The following PARD3B variants were observed in gnomAD, a reference collection of about 807,000 sequenced individuals.
PARD3B encodes partitioning defective 3 homolog B.
In PARD3B, 103 loss-of-function variants were observed where a neutral mutation model predicts 130.2. The observed-to-expected ratio is 0.79, with a 90% CI of 0.67 to 0.93. PARD3B has a LOEUF of 0.93. Ranked by LOEUF, PARD3B falls within the 40% of genes least tolerant of loss-of-function variation. The pLI is 0.00. For synonymous variants in PARD3B, 583 were observed against 553.2 expected (o/e 1.05, Z -0.76); for missense variants, 1,609 against 1,499.2 (o/e 1.07, Z -1.21).
At position 205,388,214 on chromosome 2, in the gene PARD3B, G is replaced by A. The variant is rs114333992; in HGVS notation, c.2631-12799G>A. Reference sequence around the variant, plus strand: ...TATATACACAACAATTCCTAGCACCGGTTTCTTTTGTTATTCTGTGAGAAC... The same window carrying A: ...TATATACACAACAATTCCTAGCACCAGTTTCTTTTGTTATTCTGTGAGAAC... On this transcript the variant is annotated intron_variant, in intron 18 of 22. Transcript: ENST00000406610. Among the ~76,000 whole-genome samples the A allele has an allele frequency of 5.2e-3, 795 of 152,208 alleles. 1 individual carries two copies. Among genetic ancestry groups the A allele is most frequent in the African/African-American group, 0.018 (743 of 41,518 alleles).
chr2:204,699,268 C>T (rs1216070474), intron 2 of PARD3B, among the ~76,000 whole-genome samples: 11 of 152,000 alleles, frequency 7.2e-5, no homozygotes, highest in Admixed American at 6.6e-4. Flanking sequence ...TCTTGTTCAC[C>T]GAGGAAGTGG....
intron 1 of PARD3B, among the ~76,000 whole-genome samples, chr2:204,570,756 GGTGT>G (rs1360786742): frequency 6.6e-6 from 1 of 150,474 alleles, no homozygotes; most frequent in African/African-American, 2.4e-5. Context: ...TTGTAACTGA[GGTGT>G]ATAAGCTGTT....
intron 3 of PARD3B, among the ~76,000 whole-genome samples, chr2:204,985,898 C>G (rs990044412): frequency 1.3e-5 from 2 of 151,770 alleles, no homozygotes; most frequent in Admixed American, 1.3e-4. Flanking sequence ...CTCAGGAGCT[C>G]GAGACCAGCC....
At chr2:205,354,455 A>G (rs2044114887) in intron 18 of PARD3B, among the ~76,000 whole-genome samples, 1 of 131,516 alleles carries the variant, frequency 7.6e-6, no homozygotes, top group Non-Finnish European at 1.7e-5. Context: ...AACTTAAAGT[A>G]TAATAAAAAA....
intron 1 of PARD3B, among the ~76,000 whole-genome samples, chr2:204,601,493 A>T (rs1221611364): frequency 1.3e-5 from 2 of 152,006 alleles, no homozygotes; most frequent in Non-Finnish European, 2.9e-5. Context: ...TTGAAGAATG[A>T]TTATGGTATG....
intron 20 of PARD3B, among the ~76,000 whole-genome samples, chr2:205,482,004 A>G (rs547619826): frequency 6.6e-6 from 1 of 152,282 alleles, no homozygotes; most frequent in South Asian, 2.1e-4. Context: ...CTCCCATGAG[A>G]TGTTGCAGCT....
intron 18 of PARD3B, among the ~76,000 whole-genome samples, chr2:205,392,833 G>T (rs2045903938): frequency 6.6e-6 from 1 of 152,102 alleles, no homozygotes; most frequent in South Asian, 2.1e-4. Context: ...GCAGTGTGGG[G>T]GACCAGAAAT....
intron 18 of PARD3B, among the ~76,000 whole-genome samples, chr2:205,310,761 TCATCCAGGCTGGAGTG>T (rs1436780666): frequency 7.4e-6 from 1 of 135,168 alleles, no homozygotes. Context: ...TCTCACTCTG[TCATCCAGGCTGGAGTG>T]CAGTGGTGTG....
intron 22 of PARD3B, among the ~76,000 whole-genome samples, chr2:205,601,480 T>C (rs1348288579): frequency 6.6e-6 from 1 of 152,222 alleles, no homozygotes; most frequent in Non-Finnish European, 1.5e-5. Context: ...TTTCTTTTGC[T>C]GTGGAGAAGC....
At chr2:205,016,819 G>A (rs1214954201) in intron 3 of PARD3B, among the ~76,000 whole-genome samples, 2 of 152,108 alleles carry the variant, frequency 1.3e-5, no homozygotes, top group Non-Finnish European at 2.9e-5. Flanking sequence ...TCAATTCTTA[G>A]CCTACTGTCT....
chr2:204,643,771 T>C (rs901191791), intron 1 of PARD3B, among the ~76,000 whole-genome samples: 2 of 152,170 alleles, frequency 1.3e-5, no homozygotes, highest in African/African-American at 4.8e-5. Flanking sequence ...ATTGCCTATT[T>C]ATTCAGATTA....
At chr2:204,851,170 C>A (rs527870054) in intron 2 of PARD3B, among the ~76,000 whole-genome samples, 1 of 152,098 alleles carries the variant, frequency 6.6e-6, no homozygotes, top group African/African-American at 2.4e-5. Flanking sequence ...CATTATTTCC[C>A]ATTTATTAAC....
Position 205,300,463 on chromosome 2 carries a change from A to T in PARD3B, c.2186-67A>T, listed in dbSNP as rs2041953178. On this transcript the variant is annotated intron_variant, in intron 16 of 22. Transcript: ENST00000406610. The surrounding 1 kb of genome is among the most constrained non-coding windows in gnomAD (Gnocchi z 4.1). ...GGGATGTCCAGACAGAAATATTCTT[A>T]GAACAATAGCATTACACCACACTGC... The T allele has an allele frequency of 7.1e-7, 1 of 1,404,038 alleles. No homozygotes were observed. The highest frequency in any genetic ancestry group is 1.0e-6 in the Non-Finnish European group (1 of 998,310). 87.0% of individuals were successfully genotyped at this position (1,404,038 alleles called of 1,614,324 possible).
chr2:204,730,468 G>A (rs1467604230), intron 2 of PARD3B, among the ~76,000 whole-genome samples: 2 of 151,238 alleles, frequency 1.3e-5, no homozygotes, highest in African/African-American at 2.4e-5. Context: ...ATGTAGTTTT[G>A]TAAGGTTCAA....
chr2:204,567,534 G>A (rs1174601105), intron 1 of PARD3B, among the ~76,000 whole-genome samples: 1 of 152,150 alleles, frequency 6.6e-6, no homozygotes, highest in Non-Finnish European at 1.5e-5. Flanking sequence ...GTTGTATCAT[G>A]TTTCAGAATT....
chr2:205,586,669 G>T (rs1416283290), intron 22 of PARD3B, among the ~76,000 whole-genome samples: 2 of 151,866 alleles, frequency 1.3e-5, no homozygotes, highest in East Asian at 3.9e-4. Flanking sequence ...TTGGCATAAG[G>T]ATAAAATTAT....
intron 1 of PARD3B, among the ~76,000 whole-genome samples, chr2:204,618,647 C>T: frequency 6.6e-6 from 1 of 152,138 alleles, no homozygotes; most frequent in East Asian, 1.9e-4. Flanking sequence ...TATTAAGCTT[C>T]TAATTTCCTA....
At chr2:204,808,473 T>G (rs576119150) in intron 2 of PARD3B, among the ~76,000 whole-genome samples, 33 of 152,262 alleles carry the variant, frequency 2.2e-4, no homozygotes, top group African/African-American at 6.7e-4. Flanking sequence ...TGTTTTTTTC[T>G]GATCCTCTCC....
chr2:205,237,603 T>C (rs2039126559), intron 15 of PARD3B, among the ~76,000 whole-genome samples: 1 of 152,170 alleles, frequency 6.6e-6, no homozygotes, highest in African/African-American at 2.4e-5. Flanking sequence ...TTCAGTTTTT[T>C]TTAGAAATAT....
Sources: allele counts gnomAD v4.1 joint callset (sites outside exome capture counted in the v4.1 genomes callset), GRCh38; gene constraint gnomAD v4.1.1; non-coding constraint Gnocchi (gnomAD v3.1); transcripts MANE v1.5; gene names NCBI Gene and HGNC (gene_info 2026-07-23, HGNC 2026-07-21).